LDLRAD3: variants seen among roughly 807,000 people sequenced by gnomAD.
The protein encoded by LDLRAD3 is low density lipoprotein receptor class A domain containing 3.
LDLRAD3 carries 20 observed loss-of-function variants against 29.4 expected under a neutral mutation model. That is an observed-to-expected ratio of 0.68 (90% confidence interval 0.48 to 0.99). LDLRAD3 has a LOEUF of 0.99. LDLRAD3 is among the 50% of genes least tolerant of loss of function. LDLRAD3 has a pLI of 0.00. For synonymous variants in LDLRAD3, 157 were observed against 192.7 expected (o/e 0.81, Z 1.53); for missense variants, 420 against 454.3 (o/e 0.92, Z 0.69).
Position 36,227,272 on chromosome 11 carries a change from T to C in LDLRAD3, c.642T>C (p.Pro214=). 6.2e-7 allele frequency: 1 copy of C among 1,614,086 alleles called. No individual in the cohort carries two copies. Among genetic ancestry groups the C allele is most frequent in the Non-Finnish European group, 8.5e-7 (1 of 1,179,982 alleles). ...MTLPVHRLQH[P]VLLSRLVVLD... is the part of the protein sequence containing the mutation. ...TGCCCGTGCACCGGCTGCAGCACCC[T>C]GTGCTGCTGTCCCGCCTGGTGGTCC... is the stretch of plus-strand genomic sequence containing the variant. Residue 214 remains proline, a synonymous_variant, in exon 5 of 6, where the codon CCT becomes CCC. Transcript: ENST00000315571.
intron 2 of LDLRAD3, among the ~76,000 whole-genome samples, chr11:36,065,930 G>C (rs2093502860): frequency 6.6e-6 from 1 of 152,182 alleles, no homozygotes; most frequent in Admixed American, 6.5e-5. Flanking sequence ...GAGTCCGAAG[G>C]CAAAGAATAT....
chr11:36,111,027 A>G (rs532619236), intron 4 of LDLRAD3, among the ~76,000 whole-genome samples: 2 of 152,250 alleles, frequency 1.3e-5, no homozygotes, highest in Admixed American at 1.3e-4. Context: ...GTGCATGTGT[A>G]TGTGTGGGGA....
intron 5 of LDLRAD3, 72 bp downstream of exon 5, chr11:36,227,502 T>A: frequency 8.4e-7 from 1 of 1,185,874 alleles, no homozygotes; most frequent in Non-Finnish European, 1.2e-6. Flanking sequence ...GTGCACACAC[T>A]GAGGTTCTTA....
In LDLRAD3 at chr11:36,143,547, AGG is replaced by A. The variant is rs148870507; in HGVS notation, c.454+45088_454+45089del. Among the ~76,000 whole-genome samples the A allele has an allele frequency of 2.0e-3, 311 of 152,364 alleles. 1 individual carries two copies. Among genetic ancestry groups the A allele is most frequent in the Non-Finnish European group, 3.7e-3 (255 of 68,028 alleles). On this transcript the variant is annotated intron_variant, in intron 4 of 5. Coordinates refer to ENST00000315571, the MANE Select transcript of LDLRAD3 (RefSeq NM_174902.4). ...ATTTTCCCACTTCCTGTTTGAGCCCAGGGAGAATGCCACAGGAAAAAGAGAAA... is the reference window on the plus strand; with the variant it reads ...ATTTTCCCACTTCCTGTTTGAGCCCAGAGAATGCCACAGGAAAAAGAGAAA...
intron 2 of LDLRAD3, among the ~76,000 whole-genome samples, chr11:36,039,744 A>G (rs866368411): frequency 2.6e-5 from 4 of 152,234 alleles, no homozygotes; most frequent in African/African-American, 9.6e-5. Flanking sequence ...TCTGTCAAGT[A>G]GTGACACTGT....
intron 1 of LDLRAD3, among the ~76,000 whole-genome samples, chr11:36,032,900 G>A (rs1352274198): frequency 6.6e-6 from 1 of 151,454 alleles, no homozygotes; most frequent in African/African-American, 2.4e-5. Flanking sequence ...TTTAGACAGA[G>A]TTTTGCTCTT....
intron 4 of LDLRAD3, among the ~76,000 whole-genome samples, chr11:36,149,367 T>C (rs559621257): frequency 1.3e-5 from 2 of 152,292 alleles, no homozygotes; most frequent in Admixed American, 6.5e-5. Flanking sequence ...AAGACCATCC[T>C]GGATAAAGTT....
At chr11:36,065,294 C>A (rs999375840) in intron 2 of LDLRAD3, among the ~76,000 whole-genome samples, 3 of 151,754 alleles carry the variant, frequency 2.0e-5, no homozygotes, top group African/African-American at 7.3e-5. Context: ...TTTTTTTTGT[C>A]TTAAATTCGA....
At chr11:36,103,156 G>A (rs1191907056) in intron 4 of LDLRAD3, among the ~76,000 whole-genome samples, 5 of 151,758 alleles carry the variant, frequency 3.3e-5, no homozygotes, top group Non-Finnish European at 7.4e-5. Flanking sequence ...CCAGGCCCCG[G>A]GCAGTCATCA....
chr11:36,020,690 A>C (rs927573999), intron 1 of LDLRAD3, among the ~76,000 whole-genome samples: 1 of 152,116 alleles, frequency 6.6e-6, no homozygotes, highest in Non-Finnish European at 1.5e-5. Context: ...GAGAGGTCTG[A>C]GTGGGGGCTT....
At chr11:35,962,397 A>G (rs568414885) in intron 1 of LDLRAD3, among the ~76,000 whole-genome samples, 2 of 152,246 alleles carry the variant, frequency 1.3e-5, no homozygotes, top group East Asian at 3.9e-4. Context: ...TTTTGCCTCT[A>G]CAGAAAGTAC....
intron 1 of LDLRAD3, among the ~76,000 whole-genome samples, chr11:36,012,808 C>T (rs1851972683): frequency 6.6e-6 from 1 of 152,124 alleles, no homozygotes; most frequent in South Asian, 2.1e-4. Context: ...AAAAACGAAA[C>T]TGCAGAAAAG....
Position 35,944,933 on chromosome 11 carries a change from G to A in LDLRAD3, c.46+789G>A, listed in dbSNP as rs1350723797. On this transcript the variant is annotated intron_variant, in intron 1 of 5. Transcript: ENST00000315571. This position sits in a 1 kb window ranked among gnomAD's most constrained non-coding sequence, Gnocchi z 4.9. ...CAAGCCTCTTTCCCTTCCAGACAGC[G>A]TGCTGTTCCCAGGAACTTTTCTGCT... Among the ~76,000 whole-genome samples the A allele has an allele frequency of 3.9e-5, 6 of 152,308 alleles. No homozygotes were observed. In the East Asian group the frequency reaches 1.2e-3, roughly 29 times the overall value.
intron 1 of LDLRAD3, among the ~76,000 whole-genome samples, chr11:35,953,591 C>T (rs970649419): frequency 1.3e-5 from 2 of 152,108 alleles, no homozygotes; most frequent in African/African-American, 4.8e-5. Context: ...GTTCTCCAGG[C>T]GTCGTTAAAC....
intron 4 of LDLRAD3, among the ~76,000 whole-genome samples, chr11:36,201,603 C>T (rs146098274): frequency 5.3e-5 from 8 of 152,258 alleles, no homozygotes; most frequent in African/African-American, 1.7e-4. Flanking sequence ...AATAATTAGG[C>T]GTGGATTTTT....
chr11:36,215,674 G>T (rs934216716), intron 4 of LDLRAD3, among the ~76,000 whole-genome samples: 1 of 152,134 alleles, frequency 6.6e-6, no homozygotes, highest in African/African-American at 2.4e-5. Flanking sequence ...GTTGGGTCAG[G>T]GTCGTTGTGT....
At chr11:36,023,592 A>G (rs1852125981) in intron 1 of LDLRAD3, among the ~76,000 whole-genome samples, 2 of 152,208 alleles carry the variant, frequency 1.3e-5, no homozygotes, top group Non-Finnish European at 2.9e-5. Context: ...GAGGAGCTCT[A>G]TGTCAATCCC....
At chr11:36,130,225 AT>A (rs1853905875) in intron 4 of LDLRAD3, among the ~76,000 whole-genome samples, 1 of 152,174 alleles carries the variant, frequency 6.6e-6, no homozygotes, top group Admixed American at 6.5e-5. Context: ...AGGAAGGGGC[AT>A]TTGGCTGAGA....
chr11:35,959,213 A>G (rs1204601431), intron 1 of LDLRAD3, among the ~76,000 whole-genome samples: 1 of 152,174 alleles, frequency 6.6e-6, no homozygotes, highest in African/African-American at 2.4e-5. Context: ...ACTATTAATT[A>G]AGGATATGAC....
Sources: allele counts gnomAD v4.1 joint callset (sites outside exome capture counted in the v4.1 genomes callset), GRCh38; gene constraint gnomAD v4.1.1; non-coding constraint Gnocchi (gnomAD v3.1); transcripts MANE v1.5; gene names NCBI Gene and HGNC (gene_info 2026-07-23, HGNC 2026-07-21).